RPS6KC1: variants seen among roughly 807,000 people sequenced by gnomAD.
RPS6KC1 encodes the protein inactive ribosomal protein S6 kinase delta-1.
In RPS6KC1, 54 loss-of-function variants were observed where a neutral mutation model predicts 103.8. That is an observed-to-expected ratio of 0.52 (90% CI 0.42 to 0.65). The LOEUF is 0.65. RPS6KC1 is among the 30% of genes least tolerant of loss of function. The pLI is 0.00. For synonymous variants in RPS6KC1, 439 were observed against 438.7 expected, an observed-to-expected ratio of 1.00 and a Z score of -0.01; for missense variants, 1,151 against 1,253.8, an observed-to-expected ratio of 0.92 and a Z score of 1.24.
the RPS6KC1 span, among the ~76,000 whole-genome samples, chr1:213,330,393 G>A: frequency 6.6e-6 from 1 of 152,188 alleles, no homozygotes. Flanking sequence ...GAGTCTAGTA[G>A]GGAAGAGAGA....
At chr1:213,478,778 T>C in the RPS6KC1 span, among the ~76,000 whole-genome samples, 9 of 152,164 alleles carry the variant, frequency 5.9e-5, no homozygotes, top group South Asian at 1.9e-3. Context: ...TTGTAAATAT[T>C]TTCTTCTAGT....
the RPS6KC1 span, among the ~76,000 whole-genome samples, chr1:213,587,120 A>C: frequency 6.6e-6 from 1 of 152,014 alleles, no homozygotes; most frequent in Non-Finnish European, 1.5e-5. Context: ...TTTACATTTT[A>C]CCTTTATGCT....
chr1:213,569,342 A>G, the RPS6KC1 span, among the ~76,000 whole-genome samples: 1 of 152,166 alleles, frequency 6.6e-6, no homozygotes, highest in East Asian at 1.9e-4. Flanking sequence ...TGTTGTTTCA[A>G]TATTAAGCAT....
chr1:213,204,620 CT>C (rs35617516), intron 8 of RPS6KC1, among the ~76,000 whole-genome samples: 1,307 of 127,634 alleles, frequency 0.01, 13 homozygotes, highest in African/African-American at 0.03. Flanking sequence ...TTAATTGTCA[CT>C]TTTTTTTTTT....
chr1:213,064,336 C>T (rs546400513), intron 1 of RPS6KC1, among the ~76,000 whole-genome samples: 123 of 147,246 alleles, frequency 8.4e-4, no homozygotes, highest in African/African-American at 2.7e-3. Flanking sequence ...GGATTATAGG[C>T]GTGAGCCACT....
chr1:213,703,862 C>A, the RPS6KC1 span, among the ~76,000 whole-genome samples: 1 of 152,094 alleles, frequency 6.6e-6, no homozygotes, highest in Admixed American at 6.5e-5. Flanking sequence ...ATATTGATAT[C>A]TTTCTCTAGG....
At chr1:213,288,596 A>C in the RPS6KC1 span, among the ~76,000 whole-genome samples, 1 of 152,200 alleles carries the variant, frequency 6.6e-6, no homozygotes, top group East Asian at 1.9e-4. Context: ...GAATCAGAGA[A>C]AGCCATAAAG....
the RPS6KC1 span, among the ~76,000 whole-genome samples, chr1:213,738,017 G>A: frequency 4.6e-5 from 7 of 152,272 alleles, no homozygotes; most frequent in Admixed American, 3.3e-4. Flanking sequence ...AAGGTGTGAA[G>A]CTATTTATCC....
the RPS6KC1 span, among the ~76,000 whole-genome samples, chr1:213,597,096 G>T: frequency 1.3e-5 from 2 of 152,176 alleles, no homozygotes; most frequent in Non-Finnish European, 2.9e-5. Flanking sequence ...ATGGAAGTAT[G>T]TTGGTTATTT....
At chr1:213,229,641 G>A (rs1262922374) in intron 8 of RPS6KC1, among the ~76,000 whole-genome samples, 2 of 152,034 alleles carry the variant, frequency 1.3e-5, no homozygotes, top group South Asian at 2.1e-4. Context: ...TAATAGGGTA[G>A]GATAATTTCA....
At chr1:213,736,125 G>C in the RPS6KC1 span, among the ~76,000 whole-genome samples, 1 of 152,218 alleles carries the variant, frequency 6.6e-6, no homozygotes, top group African/African-American at 2.4e-5. Flanking sequence ...TGTTTGAAAA[G>C]ACCTTGTAAA....
At chr1:213,633,053 A>G in the RPS6KC1 span, among the ~76,000 whole-genome samples, 3 of 152,244 alleles carry the variant, frequency 2.0e-5, no homozygotes, top group Non-Finnish European at 4.4e-5. Flanking sequence ...CTATGTGAAA[A>G]GACAAAATCT....
the RPS6KC1 span, among the ~76,000 whole-genome samples, chr1:213,726,376 G>A: frequency 1.3e-5 from 2 of 152,300 alleles, no homozygotes; most frequent in South Asian, 2.1e-4. Flanking sequence ...TGCCAGGCCT[G>A]TTGTTTTAAA....
the RPS6KC1 span, among the ~76,000 whole-genome samples, chr1:213,548,711 T>C: frequency 6.6e-6 from 1 of 152,164 alleles, no homozygotes; most frequent in South Asian, 2.1e-4. Flanking sequence ...ACATGGATAA[T>C]GGAGTAAGAA....
the RPS6KC1 span, among the ~76,000 whole-genome samples, chr1:213,472,143 T>A: frequency 6.6e-6 from 1 of 152,240 alleles, no homozygotes; most frequent in Admixed American, 6.5e-5. Flanking sequence ...CCTTTATTGT[T>A]ACCCGATATT....
At chr1:213,631,759 CTT>C in the RPS6KC1 span, among the ~76,000 whole-genome samples, 1 of 152,008 alleles carries the variant, frequency 6.6e-6, no homozygotes, top group Admixed American at 6.6e-5. Context: ...GGGCTTCTCT[CTT>C]TATGTTTTAA....
At chr1:213,784,733 C>A in the RPS6KC1 span, among the ~76,000 whole-genome samples, 5 of 152,182 alleles carry the variant, frequency 3.3e-5, no homozygotes, top group Admixed American at 6.5e-5. Context: ...TCACTATGGA[C>A]TGGGCTGAGC....
At chr1:213,450,215 A>C in the RPS6KC1 span, among the ~76,000 whole-genome samples, 1 of 152,146 alleles carries the variant, frequency 6.6e-6, no homozygotes, top group Non-Finnish European at 1.5e-5. Context: ...TACTGTGGTC[A>C]ACTTTTTTTT....
chr1:213,691,058 G>A, the RPS6KC1 span, among the ~76,000 whole-genome samples: 1 of 152,120 alleles, frequency 6.6e-6, no homozygotes. Context: ...TCCAGGAGAA[G>A]CCCATTTTCT....
Sources: allele counts gnomAD v4.1 joint callset (sites outside exome capture counted in the v4.1 genomes callset), GRCh38; gene constraint gnomAD v4.1.1; transcripts MANE v1.5; gene names NCBI Gene and HGNC (gene_info 2026-07-23, HGNC 2026-07-21).